Variants in PAK5 observed in about 807,000 individuals in gnomAD.
PAK5 encodes serine/threonine-protein kinase PAK 5.
Under a neutral mutation model 65.9 loss-of-function variants are expected in PAK5, and 16 were observed. The ratio of observed to expected loss-of-function variants is 0.24; its 90% confidence interval spans 0.16 to 0.37. The LOEUF (loss-of-function observed/expected upper bound fraction) is 0.37, where lower values mean the gene tolerates loss of function less well. PAK5 is among the 10% of genes least tolerant of loss of function. The pLI, the probability that PAK5 is intolerant of heterozygous loss-of-function variation, is 1.00. For missense variants in PAK5, 785 were observed against 903.9 expected (o/e 0.87, Z 1.69); for synonymous variants, 371 against 354.9 (o/e 1.05, Z -0.51).
At position 9,713,999 on chromosome 20, in the gene PAK5, A is replaced by G. The variant is rs546638955; in HGVS notation, c.-161-2564T>C. Among the ~76,000 whole-genome samples, 193 of 152,266 alleles carry G rather than the reference A, an allele frequency of 1.3e-3. 1 individual carries two copies. The highest frequency in any genetic ancestry group is 4.4e-3 in the African/African-American group (184 of 41,588). On this transcript the variant is annotated intron_variant, in intron 1 of 9. Transcript: ENST00000353224. Reference sequence around the variant, plus strand: ...TTACTGTATATTTCAAAATAACTAGAAGAGAAGAATTGTAATGTTCCCAAC... The same window carrying G: ...TTACTGTATATTTCAAAATAACTAGGAGAGAAGAATTGTAATGTTCCCAAC...
rs201348772 is a variant in PAK5 at position 9,644,513 on chromosome 20, A to AT, written c.-11-175dup. ...TGTGTAAATTAGATAATTTTATTCA[A>AT]TTTTTTTTTGTTCCCTCCTTAAACT... is the stretch of plus-strand genomic sequence containing the variant. On this transcript the variant is annotated intron_variant, in intron 2 of 9. Coordinates refer to ENST00000353224, the MANE Select transcript of PAK5 (RefSeq NM_177990.4). 5.2e-3 allele frequency among the ~76,000 whole-genome samples: 789 copies of AT among 151,580 alleles called. 4 individuals carry two copies. Among genetic ancestry groups the AT allele is most frequent in the African/African-American group, 0.018 (740 of 41,346 alleles).
At chr20:9,768,360 G>A (rs2048793587) in intron 1 of PAK5, among the ~76,000 whole-genome samples, 1 of 152,018 alleles carries the variant, frequency 6.6e-6, no homozygotes, top group Non-Finnish European at 1.5e-5. Context: ...GGGAGGGAGG[G>A]AGGAGGCTGT....
chr20:9,651,226 C>A (rs948179164), intron 2 of PAK5, among the ~76,000 whole-genome samples: 13 of 152,144 alleles, frequency 8.5e-5, no homozygotes, highest in African/African-American at 2.9e-4. Flanking sequence ...ATAATATTCT[C>A]CCCCTCAGTG....
intron 1 of PAK5, among the ~76,000 whole-genome samples, chr20:9,837,492 T>C (rs1427351137): frequency 2.0e-5 from 3 of 152,202 alleles, no homozygotes; most frequent in Non-Finnish European, 4.4e-5. Flanking sequence ...ACTAACCTGG[T>C]TATCTTTCTC....
At chr20:9,811,601 G>A (rs1301302705) in intron 1 of PAK5, among the ~76,000 whole-genome samples, 1 of 152,132 alleles carries the variant, frequency 6.6e-6, no homozygotes, top group Admixed American at 6.6e-5. Context: ...AACAAGAATG[G>A]CTGCATTCAA....
At chr20:9,697,993 C>G (rs1298082740) in intron 2 of PAK5, among the ~76,000 whole-genome samples, 2 of 151,974 alleles carry the variant, frequency 1.3e-5, no homozygotes, top group Non-Finnish European at 2.9e-5. Flanking sequence ...GATGTTAGTA[C>G]TGTTTGACCA....
At chr20:9,541,758 T>A (rs957287761) in intron 9 of PAK5, among the ~76,000 whole-genome samples, 10 of 152,188 alleles carry the variant, frequency 6.6e-5, no homozygotes, top group Non-Finnish European at 1.3e-4. Context: ...AATCCTCACA[T>A]GTCAAGGGAG....
chr20:9,645,268 CT>C (rs1251037493), intron 2 of PAK5, among the ~76,000 whole-genome samples: 2 of 152,146 alleles, frequency 1.3e-5, no homozygotes, highest in Non-Finnish European at 2.9e-5. Context: ...CATAGTTTAC[CT>C]AGGTGAAACA....
chr20:9,583,101 G>A (rs2046008938), intron 3 of PAK5, among the ~76,000 whole-genome samples: 1 of 152,050 alleles, frequency 6.6e-6, no homozygotes, highest in South Asian at 2.1e-4. Flanking sequence ...ATTGCTACTG[G>A]GTGTCATTGC....
At chr20:9,605,205 C>T (rs1319738084) in intron 3 of PAK5, among the ~76,000 whole-genome samples, 1 of 152,202 alleles carries the variant, frequency 6.6e-6, no homozygotes, top group Non-Finnish European at 1.5e-5. Context: ...ACTTCCTTTC[C>T]ACATTGGTTA....
Position 9,542,528 on chromosome 20 carries a change from G to A in PAK5, c.2004+58C>T. On this transcript the variant is annotated intron_variant, in intron 9 of 9. Coordinates refer to ENST00000353224, the MANE Select transcript of PAK5 (RefSeq NM_177990.4). Reference sequence around the variant, plus strand: ...TGGTAAGCCAGTCTTAAAAACCAGAGAGATACAGGAAAATCCAAAAACTAT... The same window carrying A: ...TGGTAAGCCAGTCTTAAAAACCAGAAAGATACAGGAAAATCCAAAAACTAT... 3 of 1,574,880 alleles carry A rather than the reference G, an allele frequency of 1.9e-6. No homozygotes were observed. In the South Asian group the frequency reaches 3.3e-5, roughly 17 times the overall value.
intron 1 of PAK5, among the ~76,000 whole-genome samples, chr20:9,822,352 A>G (rs1204195634): frequency 2.0e-5 from 3 of 151,852 alleles, no homozygotes; most frequent in African/African-American, 7.3e-5. Context: ...ACTCTTAGGA[A>G]TATTTTATCT....
intron 2 of PAK5, among the ~76,000 whole-genome samples, chr20:9,687,868 G>A (rs2047739812): frequency 1.3e-5 from 2 of 148,270 alleles, no homozygotes; most frequent in African/African-American, 2.6e-5. Flanking sequence ...CTTAGATGAA[G>A]AGAAGTCAAG....
At chr20:9,725,711 C>A (rs532130359) in intron 1 of PAK5, among the ~76,000 whole-genome samples, 2 of 152,168 alleles carry the variant, frequency 1.3e-5, no homozygotes, top group South Asian at 4.1e-4. Flanking sequence ...AACACAAACT[C>A]GTCGTAGTCA....
At chr20:9,802,848 T>C (rs1013872853) in intron 1 of PAK5, among the ~76,000 whole-genome samples, 4 of 146,482 alleles carry the variant, frequency 2.7e-5, no homozygotes, top group South Asian at 2.2e-4. Flanking sequence ...ACAGAAGGAA[T>C]AGAACTAGAA....
At chr20:9,704,830 A>G (rs2047985752) in intron 2 of PAK5, among the ~76,000 whole-genome samples, 1 of 152,176 alleles carries the variant, frequency 6.6e-6, no homozygotes. Context: ...AGCATCTGCT[A>G]TGTGACACGC....
At chr20:9,800,660 C>T (rs1406255188) in intron 1 of PAK5, among the ~76,000 whole-genome samples, 7 of 152,180 alleles carry the variant, frequency 4.6e-5, no homozygotes, top group South Asian at 2.1e-4. Flanking sequence ...CCATGGCTGA[C>T]GAAATGACTG....
intron 2 of PAK5, among the ~76,000 whole-genome samples, chr20:9,689,505 C>A (rs554623198): frequency 6.6e-6 from 1 of 152,306 alleles, no homozygotes; most frequent in Admixed American, 6.5e-5. Flanking sequence ...GGTTCCCTAA[C>A]CTCCCTTGCA....
rs36113165 is a variant in PAK5 at position 9,735,902 on chromosome 20, A to ATT, written c.-161-24469_-161-24468dup. 6.1e-3 allele frequency among the ~76,000 whole-genome samples: 831 copies of ATT among 136,968 alleles called. 7 individuals are homozygous for ATT. Among genetic ancestry groups the ATT allele is most frequent in the African/African-American group, 0.016 (595 of 37,310 alleles). 89.9% of individuals were successfully genotyped at this position (136,968 alleles called of 152,430 possible). A position where few individuals can be genotyped will look rare whatever the true frequency, so the allele number is the denominator to read the frequency against. ...TGAGACATAGCAATAGAAACAATCT[A>ATT]TTTTTTTTTTTTTTTTGAGATGGAG... On this transcript the variant is annotated intron_variant, in intron 1 of 9. Transcript: ENST00000353224.
Sources: gnomAD v4.1 joint callset for allele counts (sites outside exome capture counted in the v4.1 genomes callset) on GRCh38, gnomAD v4.1.1 for gene constraint, MANE v1.5 for transcripts, NCBI Gene and HGNC (gene_info 2026-07-23, HGNC 2026-07-21) for gene names.